PDZD9: variants seen among roughly 807,000 people sequenced by gnomAD.
PDZD9 encodes the protein PDZ domain-containing protein 9.
Under a neutral mutation model 16.3 loss-of-function variants are expected in PDZD9, and 13 were observed. The ratio of observed to expected loss-of-function variants is 0.80; its 90% CI spans 0.52 to 1.27. PDZD9 has a LOEUF of 1.27. Among genes scored for constraint, PDZD9 ranks in the 50% most tolerant of loss-of-function variants. PDZD9 has a pLI of 0.00. For missense variants in PDZD9, 288 were observed against 310.9 expected, an observed-to-expected ratio of 0.93 and a Z score of 0.55; for synonymous variants, 120 against 111.0, an observed-to-expected ratio of 1.08 and a Z score of -0.51.
intron 2 of PDZD9, among the ~76,000 whole-genome samples, chr16:21,993,871 T>C (rs1899082511): frequency 2.0e-5 from 3 of 152,218 alleles, no homozygotes; most frequent in Middle Eastern, 6.8e-3. Flanking sequence ...TCATAAAAAT[T>C]ATTTCATCAG....
Position 22,001,050 on chromosome 16 carries a change from T to A in PDZD9, c.-3A>T, listed in dbSNP as rs1899288734. On this transcript the variant is annotated 5_prime_UTR_variant, in exon 1 of 4. Transcript: ENST00000424898. ...TTTTTGTGGGAGGCCTTCTGCATGGTCCCGGGAGGTCAGGCAGCCCGGGAG... is the reference window on the plus strand; with the variant it reads ...TTTTTGTGGGAGGCCTTCTGCATGGACCCGGGAGGTCAGGCAGCCCGGGAG... 6.5e-7 allele frequency: 1 copy of A among 1,527,490 alleles called. No homozygotes were observed. Among genetic ancestry groups the A allele is most frequent in the African/African-American group, 1.4e-5 (1 of 72,580 alleles). 94.6% of individuals were successfully genotyped at this position (1,527,490 alleles called of 1,614,324 possible).
At chr16:21,981,024 A>G (rs1407167496), downstream of PDZD9, among the ~76,000 whole-genome samples, 1 of 152,196 alleles carries the variant, frequency 6.6e-6, no homozygotes, top group Non-Finnish European at 1.5e-5. Context: ...AACTAATGGT[A>G]GTTTATAAAA....
At chr16:21,992,775 A>G (rs889225064) in intron 2 of PDZD9, among the ~76,000 whole-genome samples, 12 of 152,068 alleles carry the variant, frequency 7.9e-5, no homozygotes, top group Admixed American at 2.0e-4. Flanking sequence ...CTGAGCCACT[A>G]TTGGCTTCCC....
the PDZD9 span, chr16:21,958,442 T>C: frequency 1.8e-6 from 2 of 1,131,466 alleles, no homozygotes; most frequent in Non-Finnish European, 2.6e-6. Flanking sequence ...AAAATTCTTT[T>C]TAAATCTGCT....
At chr16:21,961,817 A>G in the PDZD9 span, among the ~76,000 whole-genome samples, 2 of 150,808 alleles carry the variant, frequency 1.3e-5, no homozygotes, top group Non-Finnish European at 3.0e-5. Context: ...ATGCTTGGCT[A>G]ATTTTTGTAT....
the PDZD9 span, chr16:21,968,718 G>A: frequency 1.3e-6 from 2 of 1,585,750 alleles, no homozygotes; most frequent in Non-Finnish European, 1.7e-6. Flanking sequence ...CTGTCAGTTT[G>A]CTTCCTTAAG....
chr16:21,972,229 C>A, the PDZD9 span: 2 of 1,396,274 alleles, frequency 1.4e-6, no homozygotes. Context: ...CACAGAAAAT[C>A]TTTGTACAAT....
chr16:21,983,038 A>G (rs1760265092), downstream of PDZD9: 1 of 1,485,478 alleles, frequency 6.7e-7, no homozygotes, highest in African/African-American at 1.4e-5. Context: ...CTGCTTGATG[A>G]TATATATTTT....
chr16:21,999,004 C>T (rs1025194146), intron 1 of PDZD9: 2 of 209,152 alleles, frequency 9.6e-6, no homozygotes, highest in African/African-American at 2.3e-5. Flanking sequence ...CTTTAAAGCA[C>T]TTACAAAACC....
chr16:21,958,029 C>A, the PDZD9 span, among the ~76,000 whole-genome samples: 1 of 152,182 alleles, frequency 6.6e-6, no homozygotes, highest in Non-Finnish European at 1.5e-5. Context: ...GTACTTAAAT[C>A]TGCAGAGACC....
the PDZD9 span, among the ~76,000 whole-genome samples, chr16:21,957,734 A>G: frequency 6.6e-6 from 1 of 152,216 alleles, no homozygotes; most frequent in Non-Finnish European, 1.5e-5. Context: ...TTACAGTTCT[A>G]GAGGCTAGAA....
the PDZD9 span, among the ~76,000 whole-genome samples, chr16:21,969,028 G>T: frequency 6.6e-6 from 1 of 152,178 alleles, no homozygotes; most frequent in South Asian, 2.1e-4. Flanking sequence ...GTTCATGGGA[G>T]AAATATGTTT....
At position 21,988,639 on chromosome 16, in the gene PDZD9, A is replaced by G. The variant is rs1330763910; in HGVS notation, c.364T>C (p.Tyr122His). ...AATTTGGCCTCAGGGATTAAATCAT[A>G]TATTTCTTGCCATTCTTCAGGAATG... ...INIPEEWQEI[Y>H]DLIPEAKFPV... The change falls in exon 3 of 4, where the codon TAT becomes CAT. Residue 122 changes from tyrosine to histidine, a missense_variant. By Grantham distance (83) the Tyr-to-His change is moderately conservative. Coordinates refer to ENST00000424898, the MANE Select transcript of PDZD9 (RefSeq NM_001363519.1). 4.3e-6 allele frequency: 7 copies of G among 1,613,042 alleles called. No individual in the cohort carries two copies. Among genetic ancestry groups the G allele is most frequent in the African/African-American group, 1.3e-5 (1 of 74,894 alleles).
intron 1 of PDZD9, among the ~76,000 whole-genome samples, chr16:22,000,689 T>C (rs1325326869): frequency 6.6e-6 from 1 of 151,924 alleles, no homozygotes; most frequent in Non-Finnish European, 1.5e-5. Flanking sequence ...CTGGGCATGG[T>C]GGCAGGCACC....
At chr16:21,978,286 T>C in the PDZD9 span, among the ~76,000 whole-genome samples, 1 of 152,198 alleles carries the variant, frequency 6.6e-6, no homozygotes, top group South Asian at 2.1e-4. Flanking sequence ...GACAACGTGG[T>C]AAAACTGCAG....
chr16:21,993,735 C>T (rs1899079551), intron 2 of PDZD9, among the ~76,000 whole-genome samples: 1 of 152,190 alleles, frequency 6.6e-6, no homozygotes, highest in African/African-American at 2.4e-5. Context: ...GCTTAATCCA[C>T]TGGGACCCCC....
At chr16:21,968,813 A>G in the PDZD9 span, 12 of 666,430 alleles carry the variant, frequency 1.8e-5, no homozygotes, top group African/African-American at 9.3e-5. Flanking sequence ...CAGACAGGCA[A>G]TATATCATAG....
chr16:21,960,304 T>C, the PDZD9 span, among the ~76,000 whole-genome samples: 3 of 152,256 alleles, frequency 2.0e-5, no homozygotes, highest in Non-Finnish European at 4.4e-5. Flanking sequence ...ATTAAGAAGA[T>C]GGCTTCTTTC....
At chr16:21,983,498 G>A (rs1376528752), downstream of PDZD9, 4 of 341,484 alleles carry the variant, frequency 1.2e-5, no homozygotes, top group Non-Finnish European at 1.6e-5. Context: ...AGTGGCTATC[G>A]GGGTAAATAG....
Sources: gnomAD v4.1 joint callset for allele counts (sites outside exome capture counted in the v4.1 genomes callset) on GRCh38, gnomAD v4.1.1 for gene constraint, MANE v1.5 for transcripts, NCBI Gene and HGNC (gene_info 2026-07-23, HGNC 2026-07-21) for gene names.